CFAP77: variants seen among roughly 807,000 people sequenced by gnomAD.
CFAP77 encodes cilia and flagella associated protein 77.
Under a neutral mutation model 31.1 loss-of-function variants are expected in CFAP77, and 25 were observed. That is an observed-to-expected ratio of 0.80 (90% CI 0.59 to 1.12). The LOEUF is 1.12. CFAP77 is among the 50% of genes most tolerant of loss of function. The pLI, the probability that CFAP77 is intolerant of heterozygous loss-of-function variation, is 0.00. For missense variants in CFAP77, 377 were observed against 397.3 expected, an observed-to-expected ratio of 0.95 and a Z score of 0.44; for synonymous variants, 151 against 159.9, an observed-to-expected ratio of 0.94 and a Z score of 0.42.
At chr9:132,469,843 T>TC (rs1851221814) in intron 1 of CFAP77, among the ~76,000 whole-genome samples, 1 of 150,686 alleles carries the variant, frequency 6.6e-6, no homozygotes, top group Non-Finnish European at 1.5e-5. Context: ...CCGTGATTTT[T>TC]TTTTTTTTTT....
chr9:132,486,092 T>TATATA (rs1564223316), intron 1 of CFAP77, among the ~76,000 whole-genome samples: 3 of 50,800 alleles, frequency 5.9e-5, no homozygotes, highest in African/African-American at 2.4e-4. Flanking sequence ...ATATATATAT[T>TATATA]TTTTTTTTTT....
At position 132,554,246 on chromosome 9, in the gene CFAP77, G is replaced by A. The variant is rs2119087344; in HGVS notation, c.732+11199G>A. 6.6e-6 allele frequency among the ~76,000 whole-genome samples: 1 copy of A among 152,360 alleles called. No homozygotes were observed. Among genetic ancestry groups the A allele is most frequent in the East Asian group, 1.9e-4 (1 of 5,196 alleles). On this transcript the variant is annotated intron_variant, in intron 5 of 5. Coordinates refer to ENST00000393216, the MANE Select transcript of CFAP77 (RefSeq NM_001282957.2). This position sits in a 1 kb window ranked among gnomAD's most constrained non-coding sequence, Gnocchi z 4.1. The stretch of plus-strand genomic sequence containing the variant: ...TGGAATGTGCTCCGTTTGGCTTCAT[G>A]TGGCAGAAATTGAGCAAGGGTTAGA...
intron 1 of CFAP77, among the ~76,000 whole-genome samples, chr9:132,486,353 A>C (rs1851559036): frequency 6.6e-6 from 1 of 151,460 alleles, no homozygotes; most frequent in Non-Finnish European, 1.5e-5. Context: ...CGGCCTCCCA[A>C]AGTGCTGGGA....
At chr9:132,484,941 T>C (rs140954122) in intron 1 of CFAP77, among the ~76,000 whole-genome samples, 4,446 of 151,980 alleles carry the variant, frequency 0.029, 219 homozygotes, top group African/African-American at 0.1. Flanking sequence ...CTCTGCCTCC[T>C]GGGTTCAAGC....
intron 3 of CFAP77, among the ~76,000 whole-genome samples, chr9:132,534,660 C>T (rs1852516322): frequency 6.6e-6 from 1 of 150,412 alleles, no homozygotes; most frequent in African/African-American, 2.4e-5. Flanking sequence ...TATTTGATTA[C>T]CCCAGGATGC....
chr9:132,551,471 T>G (rs1384132183), intron 5 of CFAP77, among the ~76,000 whole-genome samples: 1 of 152,154 alleles, frequency 6.6e-6, no homozygotes, highest in Non-Finnish European at 1.5e-5. Context: ...AATTTTTGTA[T>G]TTTTAGTAGA....
At chr9:132,458,357 G>GGGGGGGGGGT (rs139008147) in intron 1 of CFAP77, among the ~76,000 whole-genome samples, 55 of 119,058 alleles carry the variant, frequency 4.6e-4, no homozygotes, top group South Asian at 5.5e-4. Flanking sequence ...GAGGGGGGGG[G>GGGGGGGGGGT]GTGTGTATGG....
chr9:132,532,417 G>A (rs1279540402), intron 3 of CFAP77, among the ~76,000 whole-genome samples: 2 of 152,238 alleles, frequency 1.3e-5, no homozygotes, highest in African/African-American at 2.4e-5. Flanking sequence ...GGCCTGGGGC[G>A]GAAGGGGAAC....
chr9:132,417,149 C>T (rs1384436159), intron 1 of CFAP77, among the ~76,000 whole-genome samples: 1 of 145,442 alleles, frequency 6.9e-6, no homozygotes, highest in Non-Finnish European at 1.5e-5. Context: ...GAGTCTCACT[C>T]TTTCGCCCAG....
At chr9:132,491,102 G>A (rs566613896) in intron 1 of CFAP77, among the ~76,000 whole-genome samples, 3 of 152,236 alleles carry the variant, frequency 2.0e-5, no homozygotes, top group East Asian at 1.9e-4. Flanking sequence ...ACAGGTTCCC[G>A]CCACTCACAA....
intron 3 of CFAP77, among the ~76,000 whole-genome samples, chr9:132,533,633 G>T (rs556580689): frequency 3.8e-4 from 58 of 152,346 alleles, no homozygotes; most frequent in African/African-American, 1.4e-3. Context: ...TGTAATCCCA[G>T]CACTTTGGGA....
chr9:132,428,819 C>CG (rs1453976954), intron 1 of CFAP77, among the ~76,000 whole-genome samples: 1 of 151,924 alleles, frequency 6.6e-6, no homozygotes, highest in Non-Finnish European at 1.5e-5. Flanking sequence ...AAGACCCCCC[C>CG]CTGCTCTGCG....
At chr9:132,433,790 C>T (rs1263537576) in intron 1 of CFAP77, among the ~76,000 whole-genome samples, 5 of 151,876 alleles carry the variant, frequency 3.3e-5, no homozygotes, top group Admixed American at 6.6e-5. Flanking sequence ...TCAGGTGATC[C>T]ACCCGCCTCG....
intron 3 of CFAP77, among the ~76,000 whole-genome samples, chr9:132,532,997 G>A (rs1345643861): frequency 6.6e-6 from 1 of 152,222 alleles, no homozygotes; most frequent in Non-Finnish European, 1.5e-5. Flanking sequence ...CTAGATGAAA[G>A]TCTTTACATA....
At chr9:132,491,201 C>T (rs1258688479) in intron 1 of CFAP77, among the ~76,000 whole-genome samples, 1 of 152,196 alleles carries the variant, frequency 6.6e-6, no homozygotes, top group Non-Finnish European at 1.5e-5. Flanking sequence ...GGCATGGTGG[C>T]CCACTCCTGT....
At chr9:132,506,465 G>C (rs374430483) in intron 3 of CFAP77, among the ~76,000 whole-genome samples, 2 of 152,064 alleles carry the variant, frequency 1.3e-5, no homozygotes, top group East Asian at 3.9e-4. Context: ...GGGAGGAGCA[G>C]GGAGGGCCCG....
At chr9:132,434,338 T>C (rs1466447307) in intron 1 of CFAP77, among the ~76,000 whole-genome samples, 1 of 152,180 alleles carries the variant, frequency 6.6e-6, no homozygotes, top group Non-Finnish European at 1.5e-5. Context: ...GTGGGTTCCT[T>C]GTGGCCAGGA....
chr9:132,476,948 G>A (rs762814784), intron 1 of CFAP77, among the ~76,000 whole-genome samples: 2 of 152,190 alleles, frequency 1.3e-5, no homozygotes, highest in Admixed American at 6.5e-5. Context: ...CACAAGAAAC[G>A]GATACAGAGG....
intron 1 of CFAP77, among the ~76,000 whole-genome samples, chr9:132,443,066 T>C (rs1319589517): frequency 6.6e-6 from 1 of 152,120 alleles, no homozygotes; most frequent in African/African-American, 2.4e-5. Flanking sequence ...AATCATAACA[T>C]GTGACTTTTT....
Sources: gnomAD v4.1 joint callset for allele counts (sites outside exome capture counted in the v4.1 genomes callset) on GRCh38, gnomAD v4.1.1 for gene constraint, Gnocchi (gnomAD v3.1) non-coding constraint, MANE v1.5 for transcripts, NCBI Gene and HGNC (gene_info 2026-07-23, HGNC 2026-07-21) for gene names.